The following SLC6A19 variants were observed in gnomAD, a reference collection of about 807,000 sequenced individuals.
The protein encoded by SLC6A19 is solute carrier family 6 member 19, also known as sodium-dependent neutral amino acid transporter B(0)AT1.
A neutral mutation model predicts 68.3 loss-of-function variants in SLC6A19; 67 were observed. The ratio of observed to expected loss-of-function variants is 0.98; its 90% CI spans 0.81 to 1.20. The LOEUF (loss-of-function observed/expected upper bound fraction) is 1.20. Ranked by LOEUF, SLC6A19 falls within the 50% of genes most tolerant of loss-of-function variation. SLC6A19 has a pLI of 0.00. For synonymous variants in SLC6A19, 392 were observed against 374.9 expected, an observed-to-expected ratio of 1.05 and a Z score of -0.53; for missense variants, 813 against 851.6, an observed-to-expected ratio of 0.95 and a Z score of 0.56.
intron 3 of SLC6A19, among the ~76,000 whole-genome samples, chr5:1,210,839 G>A (rs7716790): frequency 0.21 from 31,891 of 152,070 alleles, 3,972 homozygotes; most frequent in African/African-American, 0.36. Context: ...GAGGGCCCCC[G>A]GTCACCAGCC....
chr5:1,217,007 G>A lies in SLC6A19; in HGVS notation c.1173+62G>A, dbSNP rs369174185. 379 of 1,607,944 alleles carry A rather than the reference G, an allele frequency of 2.4e-4. No homozygotes were observed. In the African/African-American group the frequency reaches 3.0e-3, roughly 13 times the overall value. On this transcript the variant is annotated intron_variant, in intron 8 of 11. Coordinates refer to ENST00000304460, the MANE Select transcript of SLC6A19 (RefSeq NM_001003841.3). ...ACCCCTTGCTGGCACCTCAGAGTCC[G>A]GCCACCCCTGGGCCCCTGGCCTGTG...
Position 1,209,019 on chromosome 5 carries a change from C to A in SLC6A19, c.343+133C>A. The A allele has an allele frequency of 2.4e-6, 3 of 1,240,494 alleles. No homozygotes were observed. Among genetic ancestry groups the A allele is most frequent in the Non-Finnish European group, 3.3e-6 (3 of 919,616 alleles). The allele number at this position is 1,240,494 out of a possible 1,614,324, so 76.8% of individuals were successfully genotyped here. A position where few individuals can be genotyped will look rare whatever the true frequency, so the allele number is the denominator to read the frequency against. ...CCTTCCCTGTCTGTTTCTGGTGCAA[C>A]AAAGGTCCCAGCTTCATCTCCTGGA... On this transcript the variant is annotated intron_variant, in intron 2 of 11. Coordinates refer to ENST00000304460, the MANE Select transcript of SLC6A19 (RefSeq NM_001003841.3). The surrounding 1 kb of genome is among the most constrained non-coding windows in gnomAD (Gnocchi z 5.5).
At position 1,209,514 on chromosome 5, in the gene SLC6A19, C is replaced by T. The variant is rs1311572580; in HGVS notation, c.343+628C>T. On this transcript the variant is annotated intron_variant, in intron 2 of 11. Coordinates refer to ENST00000304460, the MANE Select transcript of SLC6A19 (RefSeq NM_001003841.3). The surrounding 1 kb of genome is among the most constrained non-coding windows in gnomAD (Gnocchi z 5.5). ...TCATCCCAGCCTCTCCCTGAGTCTC[C>T]AAGGCCTCCCTCCAGGCCCAGGGCA... is the stretch of plus-strand genomic sequence containing the variant. 2.0e-5 allele frequency among the ~76,000 whole-genome samples: 3 copies of T among 152,076 alleles called. No homozygotes were observed. Among genetic ancestry groups the T allele is most frequent in the Non-Finnish European group, 4.4e-5 (3 of 68,008 alleles).
intron 5 of SLC6A19, 80 bp from the exon 6 acceptor site, chr5:1,213,873 G>A (rs888447356): frequency 8.2e-6 from 13 of 1,579,100 alleles, no homozygotes; most frequent in Admixed American, 3.4e-5. Context: ...GACCCTCCCC[G>A]CCTCCCTGGG....
At position 1,214,308 on chromosome 5, in the gene SLC6A19, C is replaced by T. The variant is rs147141288; in HGVS notation, c.887+243C>T. On this transcript the variant is annotated intron_variant, in intron 6 of 11. Coordinates refer to ENST00000304460, the MANE Select transcript of SLC6A19 (RefSeq NM_001003841.3). The surrounding 1 kb of genome is among the most constrained non-coding windows in gnomAD (Gnocchi z 7.4). ...GGGCGCCTGCAGCTTTCCCCACACC[C>T]GTCCCTCCACGAGCCTGGTGCAGAC... 3.9e-3 allele frequency among the ~76,000 whole-genome samples: 600 copies of T among 152,206 alleles called. 3 individuals carry two copies. Among genetic ancestry groups the T allele is most frequent in the Middle Eastern group, 6.8e-3 (2 of 294 alleles).
In SLC6A19 at chr5:1,222,050, G is replaced by A; in HGVS notation, c.*146G>A. On this transcript the variant is annotated 3_prime_UTR_variant, in exon 12 of 12. Coordinates refer to ENST00000304460, the MANE Select transcript of SLC6A19 (RefSeq NM_001003841.3). The stretch of plus-strand genomic sequence containing the variant: ...GAGTGTGTGTATTGTACACGCATGT[G>A]CCATGTGTGCAGATATGTATCGTGT... 2.3e-6 allele frequency: 2 copies of A among 879,694 alleles called. No homozygotes were observed. Among genetic ancestry groups the A allele is most frequent in the South Asian group, 1.6e-5 (1 of 61,108 alleles). The allele number at this position is 879,694 out of a possible 1,614,324, so 54.5% of individuals were successfully genotyped here. A position where few individuals can be genotyped will look rare whatever the true frequency, so the allele number is the denominator to read the frequency against.
In SLC6A19 at chr5:1,222,535, G is replaced by C. The variant is rs1329170482; in HGVS notation, c.*631G>C. The C allele has an allele frequency of 2.5e-6, 1 of 398,950 alleles. No individual in the cohort carries two copies. The highest frequency in any genetic ancestry group is 4.5e-6 in the Non-Finnish European group (1 of 224,328). 24.7% of individuals were successfully genotyped at this position (398,950 alleles called of 1,614,324 possible). On this transcript the variant is annotated 3_prime_UTR_variant, in exon 12 of 12. Coordinates refer to ENST00000304460, the MANE Select transcript of SLC6A19 (RefSeq NM_001003841.3). ...TGTATATGTGAGCATGTGTACGTGT[G>C]TGTATACGTGTGTTGTGTATATGTG...
chr5:1,206,832 G>A (rs1420995440), intron 1 of SLC6A19, among the ~76,000 whole-genome samples: 2 of 152,182 alleles, frequency 1.3e-5, no homozygotes, highest in Non-Finnish European at 2.9e-5. Flanking sequence ...CACAAAGGTG[G>A]CCCCCAGGAG....
chr5:1,210,608 G>T (rs374197621), intron 3 of SLC6A19, 27 bp downstream of exon 3: 2 of 1,610,606 alleles, frequency 1.2e-6, no homozygotes, highest in African/African-American at 1.3e-5. Flanking sequence ...AGCCCCATCC[G>T]TCTCACCTGT....
Position 1,216,870 on chromosome 5 carries a change from G to T in SLC6A19, c.1098G>T (p.Arg366=). The stretch of plus-strand genomic sequence containing the variant: ...AGAACTTTGTGGACATGCAGCAGCG[G>T]TGCAACGCCTCCGACCCCGCGGCCT... ...TQENFVDMQQ[R]CNASDPAAYA... Residue 366 remains arginine (R), a synonymous_variant, in exon 8 of 12, where the codon CGG becomes CGT. Transcript: ENST00000304460. 1 of 1,613,756 alleles carries T rather than the reference G, an allele frequency of 6.2e-7. No individual in the cohort carries two copies. The highest frequency in any genetic ancestry group is 8.5e-7 in the Non-Finnish European group (1 of 1,180,044).
intron 4 of SLC6A19, 56 bp from the exon 5 acceptor site, chr5:1,213,405 CCA>C: frequency 9.4e-7 from 1 of 1,059,282 alleles, no homozygotes; most frequent in South Asian, 1.4e-5. Context: ...CGTGCCGCCC[CCA>C]CCGCATGCCT....
chr5:1,216,802 C>T lies in SLC6A19; in HGVS notation c.1030C>T (p.Leu344Phe). ...DDCFSTNILTLINGFDLPEGN... is the reference protein window; with the variant it reads ...DDCFSTNILTFINGFDLPEGN... The stretch of plus-strand genomic sequence containing the variant: ...TCTGACCCGCAGGAACATCCTGACC[C>T]TCATCAACGGGTTCGACCTGCCTGA... The change falls in exon 8 of 12, where the codon CTC becomes TTC. Residue 344 changes from leucine to phenylalanine, a missense_variant. By Grantham distance (22) the Leu-to-Phe change is conservative. Transcript: ENST00000304460. 6.2e-7 allele frequency: 1 copy of T among 1,613,832 alleles called. No individual in the cohort carries two copies. The highest frequency in any genetic ancestry group is 8.5e-7 in the Non-Finnish European group (1 of 1,180,044).
intron 8 of SLC6A19, among the ~76,000 whole-genome samples, chr5:1,218,658 C>T (rs1477870758): frequency 6.6e-6 from 1 of 152,222 alleles, no homozygotes; most frequent in African/African-American, 2.4e-5. Context: ...GTTGGGAGAG[C>T]CCGTCTGTGG....
At chr5:1,202,008 C>A (rs370334201) in intron 1 of SLC6A19, among the ~76,000 whole-genome samples, 156 bp downstream of exon 1, 1 of 152,296 alleles carries the variant, frequency 6.6e-6, no homozygotes, top group South Asian at 2.1e-4. Context: ...GGGGCCCCCA[C>A]GGGCCCCCGT....
At chr5:1,211,562 G>C (rs1339400951) in intron 3 of SLC6A19, among the ~76,000 whole-genome samples, 1 of 152,258 alleles carries the variant, frequency 6.6e-6, no homozygotes, top group African/African-American at 2.4e-5. Flanking sequence ...TCACAAAGGT[G>C]TGTGCATGCA....
intron 5 of SLC6A19, 48 bp downstream of exon 5, chr5:1,213,621 C>T (rs1220803494): frequency 6.5e-7 from 1 of 1,533,776 alleles, no homozygotes; most frequent in South Asian, 1.1e-5. Context: ...AGAGGCCTGG[C>T]TGCCCTGTGC....
chr5:1,209,422 G>A lies in SLC6A19; in HGVS notation c.343+536G>A, dbSNP rs1745956841. ...AGGAAAGGGCAGGGTCCACTCCAGA[G>A]AGGAGTCTGAGTCCAGGAAGCACCT... is the stretch of plus-strand genomic sequence containing the variant. On this transcript the variant is annotated intron_variant, in intron 2 of 11. Transcript: ENST00000304460. This position sits in a 1 kb window ranked among gnomAD's most constrained non-coding sequence, Gnocchi z 5.5. 6.6e-6 allele frequency among the ~76,000 whole-genome samples: 1 copy of A among 151,998 alleles called. No homozygotes were observed.
intron 1 of SLC6A19, among the ~76,000 whole-genome samples, chr5:1,208,326 G>A (rs1579509859): frequency 1.3e-5 from 2 of 152,292 alleles, no homozygotes; most frequent in Admixed American, 1.3e-4. Flanking sequence ...GGGCAGGAGT[G>A]GCACGCTGCT....
chr5:1,204,158 G>T (rs930979671), intron 1 of SLC6A19, among the ~76,000 whole-genome samples: 4 of 152,204 alleles, frequency 2.6e-5, no homozygotes, highest in African/African-American at 9.6e-5. Context: ...AGGTCCTCCT[G>T]GTTCCCTCTT....
Sources: gnomAD v4.1 joint callset for allele counts (sites outside exome capture counted in the v4.1 genomes callset) on GRCh38, gnomAD v4.1.1 for gene constraint, Gnocchi (gnomAD v3.1) non-coding constraint, MANE v1.5 for transcripts, NCBI Gene and HGNC (gene_info 2026-07-23, HGNC 2026-07-21) for gene names.